Variants in ENTREP2 observed in about 807,000 individuals in gnomAD.
The protein encoded by ENTREP2 is protein ENTREP2.
At chr15:29,313,062 C>T in the ENTREP2 span, among the ~76,000 whole-genome samples, 1 of 152,232 alleles carries the variant, frequency 6.6e-6, no homozygotes, top group Non-Finnish European at 1.5e-5. Context: ...TCAAACCAGA[C>T]ACAACATTCC....
chr15:29,484,646 G>C, the ENTREP2 span, among the ~76,000 whole-genome samples: 1 of 152,046 alleles, frequency 6.6e-6, no homozygotes, highest in African/African-American at 2.4e-5. Context: ...GCAAAAAACA[G>C]ATTTTTTAAA....
chr15:29,365,842 C>T, the ENTREP2 span, among the ~76,000 whole-genome samples: 3 of 152,108 alleles, frequency 2.0e-5, no homozygotes, highest in African/African-American at 4.8e-5. Flanking sequence ...AAGACGACAC[C>T]TTTGTTGGTT....
the ENTREP2 span, among the ~76,000 whole-genome samples, chr15:29,461,513 G>C: frequency 6.6e-6 from 1 of 151,874 alleles, no homozygotes; most frequent in Non-Finnish European, 1.5e-5. Flanking sequence ...ACGGAGTCTT[G>C]CTCTGTCGCC....
chr15:29,312,538 A>G, the ENTREP2 span, among the ~76,000 whole-genome samples: 101 of 152,240 alleles, frequency 6.6e-4, 2 homozygotes, highest in East Asian at 0.018. Flanking sequence ...TCTGAGTCAT[A>G]TTTTGGTAAT....
At chr15:29,673,512 C>T in the ENTREP2 span, among the ~76,000 whole-genome samples, 1 of 152,130 alleles carries the variant, frequency 6.6e-6, no homozygotes, top group Non-Finnish European at 1.5e-5. Flanking sequence ...AGCTGATCAT[C>T]GATCATCATG....
At chr15:29,460,449 T>C in the ENTREP2 span, among the ~76,000 whole-genome samples, 2 of 152,040 alleles carry the variant, frequency 1.3e-5, no homozygotes, top group Admixed American at 1.3e-4. Context: ...CTGGCCAACA[T>C]AGTGAAACCC....
At chr15:29,208,128 A>G in the ENTREP2 span, among the ~76,000 whole-genome samples, 5 of 150,292 alleles carry the variant, frequency 3.3e-5, no homozygotes, top group African/African-American at 1.2e-4. Flanking sequence ...ACATCCCACC[A>G]TTTCCCTCTT....
At chr15:29,627,697 C>T in the ENTREP2 span, among the ~76,000 whole-genome samples, 1 of 152,156 alleles carries the variant, frequency 6.6e-6, no homozygotes, top group African/African-American at 2.4e-5. Flanking sequence ...TCTGTCTATA[C>T]ATTTGCCAGT....
the ENTREP2 span, among the ~76,000 whole-genome samples, chr15:29,588,893 G>A: frequency 2.0e-5 from 3 of 151,800 alleles, no homozygotes; most frequent in Non-Finnish European, 2.9e-5. Flanking sequence ...GGAGGATGAA[G>A]TGAGAGGATC....
At chr15:29,335,523 C>G in the ENTREP2 span, among the ~76,000 whole-genome samples, 1 of 152,292 alleles carries the variant, frequency 6.6e-6, no homozygotes, top group East Asian at 1.9e-4. Context: ...CAGCAGAGGT[C>G]AGAAATGCCA....
At chr15:29,169,137 A>AT in the ENTREP2 span, among the ~76,000 whole-genome samples, 1 of 152,262 alleles carries the variant, frequency 6.6e-6, no homozygotes, top group African/African-American at 2.4e-5. Context: ...GATTATACAC[A>AT]TACATGCATA....
At chr15:29,343,283 A>G in the ENTREP2 span, among the ~76,000 whole-genome samples, 1 of 152,112 alleles carries the variant, frequency 6.6e-6, no homozygotes, top group African/African-American at 2.4e-5. Context: ...GATGTAATTC[A>G]TATCTACAAT....
chr15:29,131,102 A>G, the ENTREP2 span, among the ~76,000 whole-genome samples: 1 of 152,200 alleles, frequency 6.6e-6, no homozygotes, highest in African/African-American at 2.4e-5. Context: ...AGACACTTGC[A>G]TGGAAATTCT....
the ENTREP2 span, among the ~76,000 whole-genome samples, chr15:29,431,190 G>A: frequency 6.6e-6 from 1 of 152,146 alleles, no homozygotes; most frequent in Non-Finnish European, 1.5e-5. Flanking sequence ...ACGTAACCCC[G>A]GGTAAAATCA....
the ENTREP2 span, among the ~76,000 whole-genome samples, chr15:29,200,708 G>A: frequency 1.3e-5 from 2 of 151,758 alleles, no homozygotes; most frequent in Admixed American, 6.6e-5. Context: ...ACAGGTGCCC[G>A]CCACCAGGCC....
At chr15:29,179,143 A>C in the ENTREP2 span, among the ~76,000 whole-genome samples, 1 of 152,248 alleles carries the variant, frequency 6.6e-6, no homozygotes, top group African/African-American at 2.4e-5. Flanking sequence ...AAACTTTGTA[A>C]TAAATACTCT....
chr15:29,128,893 C>G, the ENTREP2 span: 1 of 1,521,938 alleles, frequency 6.6e-7, no homozygotes, highest in South Asian at 1.2e-5. Flanking sequence ...AGCGTCAAGG[C>G]GGCTGGTCCG....
the ENTREP2 span, among the ~76,000 whole-genome samples, chr15:29,542,348 G>A: frequency 3.3e-5 from 5 of 151,898 alleles, no homozygotes; most frequent in East Asian, 9.8e-4. Flanking sequence ...ACCCAGGCTG[G>A]AGTGCATTGG....
chr15:29,182,314 C>T, the ENTREP2 span, among the ~76,000 whole-genome samples: 4 of 151,692 alleles, frequency 2.6e-5, no homozygotes, highest in East Asian at 1.9e-4. Context: ...TTAGTAGAGA[C>T]GGGGGTTTCA....
Sources: allele counts gnomAD v4.1 joint callset (sites outside exome capture counted in the v4.1 genomes callset), GRCh38; gene constraint gnomAD v4.1.1; transcripts MANE v1.5; gene names NCBI Gene and HGNC (gene_info 2026-07-23, HGNC 2026-07-21).